The following MAMLD1 variants were observed in gnomAD, a reference collection of about 807,000 sequenced individuals.
MAMLD1 encodes mastermind like domain containing 1.
MAMLD1 carries 14 observed loss-of-function variants against 45.0 expected under a neutral mutation model. The ratio of observed to expected loss-of-function variants is 0.31; its 90% CI spans 0.21 to 0.49. MAMLD1 has a LOEUF of 0.49. Among genes scored for constraint, MAMLD1 ranks in the 20% least tolerant of loss-of-function variants. The probability of loss-of-function intolerance (pLI) is 0.99; values close to 1 mark genes in which losing one functional copy is unlikely to be tolerated. For synonymous variants in MAMLD1, 254 were observed against 247.8 expected (o/e 1.02, Z -0.24); for missense variants, 543 against 603.6 (o/e 0.90, Z 1.05).
chrX:150,513,355 T>A lies in MAMLD1; in HGVS notation c.*1396T>A, dbSNP rs782757153. 9 of 368,384 alleles carry A rather than the reference T, an allele frequency of 2.4e-5. No individual in the cohort carries two copies. The East Asian group carries it at 3.8e-4, about 15-fold the overall frequency. 30.4% of individuals were successfully genotyped at this position (368,384 alleles called of 1,213,427 possible). A position where few individuals can be genotyped will look rare whatever the true frequency, so the allele number is the denominator to read the frequency against. ...GCGACGGCTTTTGTTTCAGTAGAGT[T>A]GTGTTTACTATGCATTGTTTTGTGT... On this transcript the variant is annotated 3_prime_UTR_variant, in exon 8 of 8. Coordinates refer to ENST00000370401, the MANE Select transcript of MAMLD1 (RefSeq NM_005491.5).
At chrX:150,485,058 C>T (rs1158158075) in intron 5 of MAMLD1, among the ~76,000 whole-genome samples, 1 of 111,296 alleles carries the variant, frequency 9.0e-6, no homozygotes, top group Non-Finnish European at 1.9e-5. Context: ...TGATCAAATG[C>T]TCCACGTACA....
intron 5 of MAMLD1, among the ~76,000 whole-genome samples, chrX:150,485,393 A>T (rs73615234): frequency 2.7e-3 from 296 of 111,338 alleles, no homozygotes; most frequent in African/African-American, 9.3e-3. Flanking sequence ...ACCCAGCAAC[A>T]CCTTTTACGG....
intron 1 of MAMLD1, among the ~76,000 whole-genome samples, chrX:150,370,301 G>A (rs1361935454): frequency 1.8e-5 from 2 of 111,700 alleles, no homozygotes; most frequent in Admixed American, 1.9e-4. Flanking sequence ...GAACTGGCCT[G>A]GTTTTGTAGG....
intron 1 of MAMLD1, among the ~76,000 whole-genome samples, chrX:150,394,973 T>C (rs1557402246): frequency 8.9e-6 from 1 of 112,250 alleles, no homozygotes; most frequent in African/African-American, 3.2e-5. Context: ...AGAACAATGT[T>C]GAAAAGGAAT....
chrX:150,369,566 C>T (rs1164021330), intron 1 of MAMLD1, among the ~76,000 whole-genome samples: 5 of 112,487 alleles, frequency 4.4e-5, no homozygotes, highest in Admixed American at 9.4e-5. Flanking sequence ...TCAGAGACAG[C>T]GGACATCAGA....
intron 3 of MAMLD1, among the ~76,000 whole-genome samples, chrX:150,467,582 G>A (rs956928975): frequency 8.9e-6 from 1 of 112,723 alleles, no homozygotes. Flanking sequence ...AAGTGCCCTT[G>A]TTCAGATTGT....
chrX:150,510,825 A>G (rs991259444), intron 7 of MAMLD1, among the ~76,000 whole-genome samples: 2 of 111,297 alleles, frequency 1.8e-5, no homozygotes, highest in Admixed American at 9.5e-5. Context: ...CCTCTACACC[A>G]TTGCTCTTCT....
At chrX:150,440,193 C>T (rs960378436) in intron 1 of MAMLD1, among the ~76,000 whole-genome samples, 4 of 111,042 alleles carry the variant, frequency 3.6e-5, no homozygotes, top group African/African-American at 1.3e-4. Context: ...TTGACTTTTG[C>T]ATATTGAACT....
In MAMLD1 at chrX:150,417,975, C is replaced by T. The variant is rs1269620151; in HGVS notation, c.-63-27479C>T. 3.3e-4 allele frequency among the ~76,000 whole-genome samples: 36 copies of T among 110,766 alleles called. No homozygotes were observed. The Admixed American group carries it at 3.5e-3, about 11-fold the overall frequency. On this transcript the variant is annotated intron_variant, in intron 1 of 7. Transcript: ENST00000370401. ...CATAAAATGAGTTAGGGAGGATTCC[C>T]TCTTTTTCTATTGATTGGAATAGTT... is the stretch of plus-strand genomic sequence containing the variant.
chrX:150,473,876 A>C (rs2036505635), intron 5 of MAMLD1, 74 bp downstream of exon 5: 2 of 1,060,238 alleles, frequency 1.9e-6, no homozygotes, highest in Admixed American at 2.2e-5. Flanking sequence ...CCAGAGCTGG[A>C]TCAGCTGGCT....
intron 1 of MAMLD1, among the ~76,000 whole-genome samples, chrX:150,364,769 C>T (rs1237080489): frequency 1.8e-5 from 2 of 113,183 alleles, no homozygotes; most frequent in Non-Finnish European, 3.8e-5. Flanking sequence ...CGCAAAGTCT[C>T]CCTGAGACCA....
At chrX:150,382,507 T>A (rs782782823) in intron 1 of MAMLD1, among the ~76,000 whole-genome samples, 20 of 111,950 alleles carry the variant, frequency 1.8e-4, no homozygotes, top group African/African-American at 6.5e-4. Context: ...TGTCTACGTC[T>A]ACAAAAAACT....
At position 150,403,045 on chromosome X, in the gene MAMLD1, C is replaced by T. The variant is rs149521277; in HGVS notation, c.-64+39515C>T. 4.0e-4 allele frequency among the ~76,000 whole-genome samples: 43 copies of T among 108,545 alleles called. 1 individual carries two copies. The East Asian group carries it at 0.012, about 30-fold the overall frequency. 94.3% of individuals were successfully genotyped at this position (108,545 alleles called of 115,157 possible). A position where few individuals can be genotyped will look rare whatever the true frequency, so the allele number is the denominator to read the frequency against. On this transcript the variant is annotated intron_variant, in intron 1 of 7. Coordinates refer to ENST00000370401, the MANE Select transcript of MAMLD1 (RefSeq NM_005491.5). ...ATGTAACTAACCTGCACATTGTGCA[C>T]ATGTACCCTAAAACTTAAAGTATAG... is the stretch of plus-strand genomic sequence containing the variant.
intron 2 of MAMLD1, among the ~76,000 whole-genome samples, chrX:150,450,743 G>A (rs1569564824): frequency 9.0e-6 from 1 of 111,470 alleles, no homozygotes; most frequent in East Asian, 2.8e-4. Flanking sequence ...AAGAGTGATG[G>A]AAAATGTGTG....
intron 1 of MAMLD1, among the ~76,000 whole-genome samples, chrX:150,377,976 T>A (rs1180005665): frequency 8.9e-6 from 1 of 111,835 alleles, no homozygotes; most frequent in Non-Finnish European, 1.9e-5. Context: ...CACATATTGA[T>A]CAAAATCAGG....
chrX:150,438,330 T>C (rs2035187191), intron 1 of MAMLD1, among the ~76,000 whole-genome samples: 1 of 112,478 alleles, frequency 8.9e-6, no homozygotes, highest in South Asian at 3.6e-4. Flanking sequence ...AGTGATTCAG[T>C]TTCTCCACAT....
intron 1 of MAMLD1, among the ~76,000 whole-genome samples, chrX:150,442,400 T>A (rs1271056419): frequency 9.0e-6 from 1 of 111,728 alleles, no homozygotes; most frequent in Non-Finnish European, 1.9e-5. Flanking sequence ...ACTCAAACAA[T>A]GTTTAGAATT....
intron 1 of MAMLD1, among the ~76,000 whole-genome samples, chrX:150,387,037 A>C (rs2124486793): frequency 9.0e-6 from 1 of 111,670 alleles, no homozygotes; most frequent in African/African-American, 3.2e-5. Context: ...ACATAATTTT[A>C]AAATATCTTA....
intron 6 of MAMLD1, among the ~76,000 whole-genome samples, chrX:150,507,430 G>A (rs895894496): frequency 8.9e-5 from 10 of 112,118 alleles, no homozygotes; most frequent in Middle Eastern, 4.6e-3. Context: ...CAGCCTCCTC[G>A]GGAGGCCTGG....
Sources: allele counts gnomAD v4.1 joint callset (sites outside exome capture counted in the v4.1 genomes callset), GRCh38; gene constraint gnomAD v4.1.1; transcripts MANE v1.5; gene names NCBI Gene and HGNC (gene_info 2026-07-23, HGNC 2026-07-21).